Variants in SGCZ observed in about 807,000 individuals in gnomAD.
The protein encoded by SGCZ is sarcoglycan zeta.
A neutral mutation model predicts 41.3 loss-of-function variants in SGCZ; 40 were observed. The ratio of observed to expected loss-of-function variants is 0.97; its 90% CI spans 0.75 to 1.26. SGCZ has a LOEUF of 1.26. Ranked by LOEUF, SGCZ falls within the 50% of genes most tolerant of loss-of-function variation. The pLI, the probability that SGCZ is intolerant of heterozygous loss-of-function variation, is 0.00. For synonymous variants in SGCZ, 206 were observed against 137.5 expected (o/e 1.50, Z -3.49); for missense variants, 552 against 369.8 (o/e 1.49, Z -4.04).
chr8:14,380,139 T>C (rs1804305139), intron 2 of SGCZ, among the ~76,000 whole-genome samples: 1 of 152,214 alleles, frequency 6.6e-6, no homozygotes, highest in African/African-American at 2.4e-5. Context: ...TAGTGGGGCA[T>C]GAGAATTTTC....
intron 1 of SGCZ, among the ~76,000 whole-genome samples, chr8:15,001,894 A>T (rs776410824): frequency 1.3e-5 from 2 of 152,184 alleles, no homozygotes; most frequent in Non-Finnish European, 2.9e-5. Context: ...CATGGTTAGT[A>T]AGTGGTCAAG....
intron 2 of SGCZ, among the ~76,000 whole-genome samples, chr8:14,381,780 T>C (rs1043119516): frequency 2.0e-5 from 3 of 151,360 alleles, no homozygotes; most frequent in African/African-American, 7.3e-5. Context: ...AGCAAGACCC[T>C]GTCTCAAAAA....
intron 1 of SGCZ, among the ~76,000 whole-genome samples, chr8:14,861,313 C>T (rs1435655278): frequency 6.6e-6 from 1 of 152,072 alleles, no homozygotes; most frequent in African/African-American, 2.4e-5. Context: ...TATTTAGGTC[C>T]TTCCTGAAAT....
chr8:14,987,385 C>A (rs34675685), intron 1 of SGCZ, among the ~76,000 whole-genome samples: 6,896 of 151,890 alleles, frequency 0.045, 245 homozygotes, highest in Non-Finnish European at 0.067. Context: ...AAATAATAGG[C>A]CTTCTTCTAT....
intron 1 of SGCZ, among the ~76,000 whole-genome samples, chr8:14,916,798 T>G (rs777720615): frequency 2.0e-5 from 3 of 152,126 alleles, no homozygotes; most frequent in Non-Finnish European, 4.4e-5. Flanking sequence ...CACTTACGAG[T>G]ATGTAAATAG....
chr8:14,417,352 G>A (rs548421891), intron 2 of SGCZ, among the ~76,000 whole-genome samples: 3 of 151,866 alleles, frequency 2.0e-5, no homozygotes, highest in South Asian at 4.2e-4. Context: ...GTTCAAGTAT[G>A]AATTCTTCTG....
At chr8:14,271,812 G>A (rs1800069872) in intron 3 of SGCZ, among the ~76,000 whole-genome samples, 2 of 152,054 alleles carry the variant, frequency 1.3e-5, no homozygotes, top group South Asian at 4.1e-4. Flanking sequence ...TTTTTGCTTT[G>A]TAGAAACAAC....
intron 1 of SGCZ, among the ~76,000 whole-genome samples, chr8:15,067,523 C>T (rs1432533513): frequency 1.3e-5 from 2 of 152,118 alleles, no homozygotes; most frequent in African/African-American, 4.8e-5. Flanking sequence ...GGCTCTTAAT[C>T]CTATTCCCTA....
chr8:15,225,322 T>C (rs1416644205), intron 1 of SGCZ, among the ~76,000 whole-genome samples: 1 of 152,092 alleles, frequency 6.6e-6, no homozygotes, highest in Admixed American at 6.5e-5. Flanking sequence ...AAAAAAGATA[T>C]ATCTATCTCT....
chr8:14,879,601 C>CAG (rs1236314856), intron 1 of SGCZ, among the ~76,000 whole-genome samples: 9 of 135,974 alleles, frequency 6.6e-5, no homozygotes, highest in Non-Finnish European at 1.5e-4. Context: ...CACAGACACA[C>CAG]ACACACACAC....
intron 1 of SGCZ, among the ~76,000 whole-genome samples, chr8:14,901,839 A>G (rs777187287): frequency 6.6e-6 from 1 of 152,168 alleles, no homozygotes; most frequent in African/African-American, 2.4e-5. Flanking sequence ...ATGTAAACCA[A>G]CTGTACAAGA....
chr8:14,575,757 C>T (rs1485619299), intron 1 of SGCZ, among the ~76,000 whole-genome samples: 2 of 151,640 alleles, frequency 1.3e-5, no homozygotes, highest in Non-Finnish European at 2.9e-5. Context: ...ATGCAAAAAA[C>T]TGGCCTGGCA....
chr8:14,264,460 C>A (rs1799801500), intron 3 of SGCZ, among the ~76,000 whole-genome samples: 1 of 152,150 alleles, frequency 6.6e-6, no homozygotes, highest in Non-Finnish European at 1.5e-5. Context: ...GATTTCCCTT[C>A]CTTCAGGAAC....
chr8:14,948,401 G>C (rs1293471832), intron 1 of SGCZ, among the ~76,000 whole-genome samples: 1 of 152,056 alleles, frequency 6.6e-6, no homozygotes. Flanking sequence ...GAAACAGAGA[G>C]ATTATTAACT....
Position 14,535,107 on chromosome 8 carries a change from C to A in SGCZ, c.234+19625G>T, listed in dbSNP as rs371426698. ...TGTTTATGCACTAACTGTACACAAA[C>A]ATTTGATTCAACTAAAGCAGTGTGA... On this transcript the variant is annotated intron_variant, in intron 2 of 7. Coordinates refer to ENST00000382080, the MANE Select transcript of SGCZ (RefSeq NM_139167.4). 3.3e-3 allele frequency among the ~76,000 whole-genome samples: 496 copies of A among 152,042 alleles called. 5 individuals carry two copies. Among genetic ancestry groups the A allele is most frequent in the African/African-American group, 0.011 (468 of 41,540 alleles).
intron 1 of SGCZ, among the ~76,000 whole-genome samples, chr8:15,214,749 A>T (rs192598650): frequency 3.2e-4 from 48 of 152,272 alleles, no homozygotes; most frequent in Admixed American, 5.9e-4. Flanking sequence ...ACTTTGACTT[A>T]CCTTCTTCTT....
intron 1 of SGCZ, among the ~76,000 whole-genome samples, chr8:14,844,411 G>A (rs1803031113): frequency 6.6e-6 from 1 of 152,182 alleles, no homozygotes; most frequent in South Asian, 2.1e-4. Context: ...TGTGGAATGA[G>A]TGTACTTGTG....
intron 1 of SGCZ, among the ~76,000 whole-genome samples, chr8:14,845,205 T>A (rs1042531238): frequency 3.3e-4 from 50 of 152,088 alleles, no homozygotes; most frequent in African/African-American, 1.2e-3. Context: ...CCAGCTAGGA[T>A]GGAAAAACTT....
At chr8:14,516,781 T>C (rs1462663224) in intron 2 of SGCZ, among the ~76,000 whole-genome samples, 1 of 152,088 alleles carries the variant, frequency 6.6e-6, no homozygotes, top group Non-Finnish European at 1.5e-5. Flanking sequence ...ATTAAATCTG[T>C]GCCATCCAGA....
Sources: gnomAD v4.1 joint callset for allele counts (sites outside exome capture counted in the v4.1 genomes callset) on GRCh38, gnomAD v4.1.1 for gene constraint, MANE v1.5 for transcripts, NCBI Gene and HGNC (gene_info 2026-07-23, HGNC 2026-07-21) for gene names.